The following PCSK1 variants were observed in gnomAD, a reference collection of about 807,000 sequenced individuals.
PCSK1 encodes proprotein convertase subtilisin/kexin type 1, also known as neuroendocrine convertase 1.
A neutral mutation model predicts 90.6 loss-of-function variants in PCSK1; 56 were observed. The observed-to-expected ratio is 0.62, with a 90% CI of 0.50 to 0.77. The LOEUF (loss-of-function observed/expected upper bound fraction) is 0.77, where lower values mean the gene tolerates loss of function less well. Ranked by LOEUF, PCSK1 falls within the 30% of genes least tolerant of loss-of-function variation. The probability of loss-of-function intolerance (pLI) is 0.00; values close to 1 mark genes in which losing one functional copy is unlikely to be tolerated. For missense variants in PCSK1, 801 were observed against 932.6 expected (o/e 0.86, Z 1.84); for synonymous variants, 348 against 342.4 (o/e 1.02, Z -0.18).
chr5:96,420,777 G>GAGAGAGAGAA (rs1761101915), intron 5 of PCSK1, among the ~76,000 whole-genome samples: 2 of 138,060 alleles, frequency 1.4e-5, no homozygotes, highest in Non-Finnish European at 3.1e-5. Context: ...GAGAGGGAGA[G>GAGAGAGAGAA]AGAGAGAGAA....
Position 96,395,102 on chromosome 5 carries a change from G to A in PCSK1, c.1723-77C>T, listed in dbSNP as rs1028323791. 1.1e-5 allele frequency: 12 copies of A among 1,126,802 alleles called. No individual in the cohort carries two copies. In the African/African-American group the frequency reaches 1.8e-4, roughly 17 times the overall value. The allele number at this position is 1,126,802 out of a possible 1,614,324, so 69.8% of individuals were successfully genotyped here. A position where few individuals can be genotyped will look rare whatever the true frequency, so the allele number is the denominator to read the frequency against. ...AAACTCATTCAAAATAGCTAAAAAG[G>A]ATTTCATTGTTAAAATCTCATTTTA... On this transcript the variant is annotated intron_variant, in intron 12 of 13. Transcript: ENST00000311106.
intron 3 of PCSK1, among the ~76,000 whole-genome samples, chr5:96,423,989 A>C (rs1761206362): frequency 6.6e-6 from 1 of 152,196 alleles, no homozygotes; most frequent in Non-Finnish European, 1.5e-5. Flanking sequence ...CCTATTTTTA[A>C]GTATGAGTGA....
intron 4 of PCSK1, among the ~76,000 whole-genome samples, 174 bp from the exon 5 acceptor site, chr5:96,422,130 A>G (rs1258632416): frequency 1.3e-5 from 2 of 152,048 alleles, no homozygotes; most frequent in Non-Finnish European, 2.9e-5. Flanking sequence ...TTACTCACAA[A>G]CCAGGCAGAG....
rs769083554 is a variant in PCSK1 at position 96,400,033 on chromosome 5, C to G, written c.1350G>C (p.Val450=). 6.2e-7 allele frequency: 1 copy of G among 1,614,162 alleles called. No individual in the cohort carries two copies. Among genetic ancestry groups the G allele is most frequent in the Admixed American group, 1.7e-5 (1 of 60,020 alleles). The change falls in exon 10 of 14, where the codon GTG becomes GTC. Residue 450 remains valine (V), a synonymous_variant. Transcript: ENST00000311106. Reference sequence around the variant, plus strand: ...TCCAGGTCCTGGGGTCAGCTAAATCCACCAGAGCTTTGGCATTTAGCAAGC... The same window carrying G: ...TCCAGGTCCTGGGGTCAGCTAAATCGACCAGAGCTTTGGCATTTAGCAAGC... ...GFGLLNAKAL[V]DLADPRTWRS... is the part of the protein sequence containing the mutation.
intron 13 of PCSK1, among the ~76,000 whole-genome samples, chr5:96,393,954 T>C (rs186560681): frequency 2.0e-3 from 303 of 152,282 alleles, no homozygotes; most frequent in Non-Finnish European, 3.7e-3. Context: ...GTTTCAATAT[T>C]CCAACACTGA....
chr5:96,430,950 A>G (rs1761472799), intron 1 of PCSK1, among the ~76,000 whole-genome samples: 2 of 152,214 alleles, frequency 1.3e-5, no homozygotes, highest in African/African-American at 2.4e-5. Flanking sequence ...TTCACATTGA[A>G]TGGTCTAGGT....
At position 96,408,260 on chromosome 5, in the gene PCSK1, G is replaced by A; in HGVS notation, c.1159C>T (p.Leu387=). ...THTGTSASAP[L]AAGIFALALE... ...GCCAGAGCGAAGATGCCAGCAGCCA[G>A]AGGTGCAGAGGCCGAGGTGCCTGTG... is the stretch of plus-strand genomic sequence containing the variant. Residue 387 remains leucine (L), a synonymous_variant, in exon 9 of 14, where the codon CTG becomes TTG. Transcript: ENST00000311106. The A allele has an allele frequency of 6.2e-7, 1 of 1,614,124 alleles. No homozygotes were observed. Among genetic ancestry groups the A allele is most frequent in the East Asian group, 2.2e-5 (1 of 44,886 alleles).
chr5:96,394,432 T>C (rs115118278), intron 13 of PCSK1, among the ~76,000 whole-genome samples: 3,583 of 152,328 alleles, frequency 0.024, 51 homozygotes, highest in South Asian at 0.052. Context: ...GATTTGGCCA[T>C]TTGAGCCTTG....
chr5:96,410,136 C>T (rs779571925), intron 8 of PCSK1, among the ~76,000 whole-genome samples: 7 of 152,094 alleles, frequency 4.6e-5, no homozygotes, highest in East Asian at 3.9e-4. Flanking sequence ...GCCCCTCCAT[C>T]GTCATGCCCT....
chr5:96,428,083 C>T (rs567326937), intron 2 of PCSK1, among the ~76,000 whole-genome samples: 3 of 152,128 alleles, frequency 2.0e-5, no homozygotes, highest in Non-Finnish European at 2.9e-5. Context: ...CTTTTACATT[C>T]GAACACTGGT....
At chr5:96,407,444 G>A (rs1171593177) in intron 9 of PCSK1, among the ~76,000 whole-genome samples, 1 of 152,148 alleles carries the variant, frequency 6.6e-6, no homozygotes, top group East Asian at 1.9e-4. Flanking sequence ...AATAAAAGTA[G>A]TTTTGACAAG....
chr5:96,401,762 T>G (rs1760383939), intron 9 of PCSK1, among the ~76,000 whole-genome samples: 1 of 152,176 alleles, frequency 6.6e-6, no homozygotes, highest in Non-Finnish European at 1.5e-5. Flanking sequence ...TCTCCCTGGT[T>G]CTAATTTAAC....
In PCSK1 at chr5:96,394,877, A is replaced by C. The variant is rs1283708697; in HGVS notation, c.1871T>G (p.Val624Gly). 1 of 1,614,092 alleles carries C rather than the reference A, an allele frequency of 6.2e-7. No individual in the cohort carries two copies. The highest frequency in any genetic ancestry group is 2.2e-5 in the East Asian group (1 of 44,866). ...AGCCACACAGACCTCCCCTGGATCC[A>C]CCATCTTCTCCACCCCTCTTCTGTC... ...QNDRRGVEKM[V>G]DPGEEQPTQE... is the part of the protein sequence containing the mutation. The change falls in exon 13 of 14, where the codon GTG becomes GGG. Residue 624 changes from valine to glycine, a missense_variant. Coordinates refer to ENST00000311106, the MANE Select transcript of PCSK1 (RefSeq NM_000439.5).
At chr5:96,418,198 C>T (rs779810705) in intron 5 of PCSK1, among the ~76,000 whole-genome samples, 1 of 152,170 alleles carries the variant, frequency 6.6e-6, no homozygotes, top group Non-Finnish European at 1.5e-5. Context: ...CACCTCCAAA[C>T]GTTGAGAGAA....
intron 9 of PCSK1, among the ~76,000 whole-genome samples, chr5:96,406,097 G>A (rs271927): frequency 0.62 from 93,489 of 151,920 alleles, 29,113 homozygotes; most frequent in Middle Eastern, 0.66. Context: ...GATTACCTAT[G>A]CAGGCTGACA....
At position 96,426,685 on chromosome 5, in the gene PCSK1, C is replaced by T. The variant is rs140044559; in HGVS notation, c.286-755G>A. ...ATTCATTATGAGATAATTCTATACT[C>T]TTATTTTTCTTGGCAATATGACTAT... On this transcript the variant is annotated intron_variant, in intron 2 of 13. Transcript: ENST00000311106. Among the ~76,000 whole-genome samples the T allele has an allele frequency of 8.4e-4, 128 of 152,280 alleles. 1 individual carries two copies. Among genetic ancestry groups the T allele is most frequent in the Middle Eastern group, 3.4e-3 (1 of 294 alleles).
rs138680509 is a variant in PCSK1, at chr5:96,427,382, G to C, written c.286-1452C>G. On this transcript the variant is annotated intron_variant, in intron 2 of 13. Transcript: ENST00000311106. ...AAAATTGGTAGTGTCTTTCTATTAT[G>C]CATTATAGGTATCATGTACTTAATT... 3.1e-3 allele frequency among the ~76,000 whole-genome samples: 471 copies of C among 152,240 alleles called. 1 individual carries two copies. Among genetic ancestry groups the C allele is most frequent in the African/African-American group, 0.011 (438 of 41,548 alleles).
intron 9 of PCSK1, among the ~76,000 whole-genome samples, chr5:96,404,436 C>A (rs754653560): frequency 6.6e-6 from 1 of 152,154 alleles, no homozygotes; most frequent in Non-Finnish European, 1.5e-5. Flanking sequence ...TGAGAAACAT[C>A]GCTTTGGGGA....
At chr5:96,409,066 A>T (rs1164302241) in intron 8 of PCSK1, among the ~76,000 whole-genome samples, 1 of 152,230 alleles carries the variant, frequency 6.6e-6, no homozygotes. Flanking sequence ...GTTCTCTGTG[A>T]AAGTAGTTTT....
Sources: allele counts gnomAD v4.1 joint callset (sites outside exome capture counted in the v4.1 genomes callset), GRCh38; gene constraint gnomAD v4.1.1; transcripts MANE v1.5; gene names NCBI Gene and HGNC (gene_info 2026-07-23, HGNC 2026-07-21).